The following HSD17B3 variants were observed in gnomAD, a reference collection of about 807,000 sequenced individuals.
The protein encoded by HSD17B3 is 17-beta-hydroxysteroid dehydrogenase type 3.
HSD17B3 carries 29 observed loss-of-function variants against 41.1 expected under a neutral mutation model. The observed-to-expected ratio is 0.71, with a 90% CI of 0.53 to 0.96. The LOEUF (loss-of-function observed/expected upper bound fraction) is 0.96, where lower values mean the gene tolerates loss of function less well. Ranked by LOEUF, HSD17B3 falls within the 40% of genes least tolerant of loss-of-function variation. The pLI is 0.00. For synonymous variants in HSD17B3, 126 were observed against 145.6 expected (o/e 0.87, Z 0.97); for missense variants, 323 against 374.6 (o/e 0.86, Z 1.14).
chr9:96,245,799 G>A (rs1249553168), intron 7 of HSD17B3, among the ~76,000 whole-genome samples: 1 of 152,170 alleles, frequency 6.6e-6, no homozygotes, highest in Non-Finnish European at 1.5e-5. Context: ...GTGACCACAT[G>A]AGCTGCCGGT....
At chr9:96,253,839 C>T (rs16910680) in intron 3 of HSD17B3, among the ~76,000 whole-genome samples, 1,820 of 152,178 alleles carry the variant, frequency 0.012, 41 homozygotes, top group African/African-American at 0.04. Context: ...AAGAATGTCT[C>T]GGTCCTAGTC....
intron 2 of HSD17B3, among the ~76,000 whole-genome samples, chr9:96,262,307 A>G (rs2130746446): frequency 7.0e-6 from 1 of 142,332 alleles, no homozygotes; most frequent in Non-Finnish European, 1.5e-5. Context: ...GCAGTGGCAC[A>G]ATCTCGGCTC....
intron 2 of HSD17B3, among the ~76,000 whole-genome samples, chr9:96,268,637 G>C (rs112529255): frequency 6.6e-6 from 1 of 152,008 alleles, no homozygotes; most frequent in African/African-American, 2.4e-5. Context: ...TTTATGAGGC[G>C]TATGAAAACA....
chr9:96,291,913 C>T (rs900875183), intron 2 of HSD17B3, among the ~76,000 whole-genome samples: 3 of 151,672 alleles, frequency 2.0e-5, no homozygotes, highest in Non-Finnish European at 4.4e-5. Flanking sequence ...ACCAAGATCG[C>T]ACCATTGCAC....
chr9:96,278,828 T>C (rs1450786729), intron 2 of HSD17B3, among the ~76,000 whole-genome samples: 2 of 152,138 alleles, frequency 1.3e-5, no homozygotes, highest in Non-Finnish European at 2.9e-5. Flanking sequence ...GATGGTGCCT[T>C]ACAAGGCAAG....
intron 2 of HSD17B3, among the ~76,000 whole-genome samples, chr9:96,273,291 T>C (rs1238255351): frequency 6.6e-6 from 1 of 152,228 alleles, no homozygotes; most frequent in Non-Finnish European, 1.5e-5. Flanking sequence ...ACCAATAAAA[T>C]AGCTCTGGGA....
chr9:96,271,319 G>T (rs891279044), intron 2 of HSD17B3, among the ~76,000 whole-genome samples: 7 of 152,102 alleles, frequency 4.6e-5, no homozygotes, highest in African/African-American at 1.4e-4. Flanking sequence ...GTTGTGTGAG[G>T]TAGGATCCCA....
chr9:96,300,749 G>T (rs2130803105), intron 1 of HSD17B3, among the ~76,000 whole-genome samples: 1 of 152,210 alleles, frequency 6.6e-6, no homozygotes, highest in East Asian at 1.9e-4. Flanking sequence ...TAGGGCTGAA[G>T]TTCTGCATGG....
rs187089719 is a variant in HSD17B3 at position 96,269,858 on chromosome 9, C to T, written c.202-14915G>A. Reference sequence around the variant, plus strand: ...GGCAAAAGTTGCCGTGAGCCAAGATCGTGCCACTGCACTCCAGCCTGGGTG... The same window carrying T: ...GGCAAAAGTTGCCGTGAGCCAAGATTGTGCCACTGCACTCCAGCCTGGGTG... On this transcript the variant is annotated intron_variant, in intron 2 of 10. Transcript: ENST00000375263. Among the ~76,000 whole-genome samples, 399 of 145,538 alleles carry T rather than the reference C, an allele frequency of 2.7e-3. 7 individuals carry two copies. Among genetic ancestry groups the T allele is most frequent in the East Asian group, 1.6e-3 (8 of 4,862 alleles).
intron 2 of HSD17B3, among the ~76,000 whole-genome samples, chr9:96,290,456 CTT>C (rs61373611): frequency 2.2e-4 from 17 of 78,418 alleles, no homozygotes; most frequent in African/African-American, 6.7e-4. Context: ...ATTTCCTGGG[CTT>C]TTTTTTTTTT....
At chr9:96,249,932 G>C in intron 5 of HSD17B3, 146 bp from the exon 6 acceptor site, 1 of 1,545,688 alleles carries the variant, frequency 6.5e-7, no homozygotes, top group Non-Finnish European at 8.7e-7. Flanking sequence ...GCTCATAACT[G>C]CCTTCCAGCA....
At chr9:96,273,635 G>T (rs1826344190) in intron 2 of HSD17B3, among the ~76,000 whole-genome samples, 1 of 152,076 alleles carries the variant, frequency 6.6e-6, no homozygotes, top group South Asian at 2.1e-4. Flanking sequence ...CTCCAGCCTT[G>T]GCACCACCAT....
intron 3 of HSD17B3, among the ~76,000 whole-genome samples, chr9:96,253,159 G>C (rs532146481): frequency 6.6e-6 from 1 of 152,128 alleles, no homozygotes; most frequent in Non-Finnish European, 1.5e-5. Flanking sequence ...TTACTGCAGC[G>C]GTTCTCAAAG....
At chr9:96,262,708 CA>C (rs1037063362) in intron 2 of HSD17B3, among the ~76,000 whole-genome samples, 1 of 152,058 alleles carries the variant, frequency 6.6e-6, no homozygotes, top group African/African-American at 2.4e-5. Context: ...AAAATAATGG[CA>C]AAAAGTGCGA....
intron 2 of HSD17B3, among the ~76,000 whole-genome samples, chr9:96,288,707 C>T (rs1448126190): frequency 6.6e-6 from 1 of 152,082 alleles, no homozygotes; most frequent in African/African-American, 2.4e-5. Flanking sequence ...GAGGCCCAGG[C>T]CGCAGGATCA....
intron 2 of HSD17B3, among the ~76,000 whole-genome samples, chr9:96,286,325 C>T (rs1826916119): frequency 6.6e-6 from 1 of 151,444 alleles, no homozygotes; most frequent in South Asian, 2.1e-4. Context: ...GCCTAGGTGA[C>T]AGAGTGAGAC....
chr9:96,282,997 T>G (rs975504996), intron 2 of HSD17B3, among the ~76,000 whole-genome samples: 1 of 91,402 alleles, frequency 1.1e-5, no homozygotes, highest in Non-Finnish European at 2.3e-5. Context: ...TCTTTCTTTT[T>G]TTTTTTTTTT....
intron 2 of HSD17B3, among the ~76,000 whole-genome samples, chr9:96,283,947 G>A (rs1826804877): frequency 6.6e-6 from 1 of 152,064 alleles, no homozygotes; most frequent in Admixed American, 6.6e-5. Flanking sequence ...TAAAGTGGCT[G>A]GTGCAGTGGC....
intron 1 of HSD17B3, among the ~76,000 whole-genome samples, chr9:96,298,750 TGAAACAGATCC>T (rs1827463046): frequency 6.6e-6 from 1 of 152,096 alleles, no homozygotes; most frequent in East Asian, 1.9e-4. Context: ...TGTTCCAAAA[TGAAACAGATCC>T]GCAGCCAGGG....
Sources: allele counts gnomAD v4.1 joint callset (sites outside exome capture counted in the v4.1 genomes callset), GRCh38; gene constraint gnomAD v4.1.1; transcripts MANE v1.5; gene names NCBI Gene and HGNC (gene_info 2026-07-23, HGNC 2026-07-21).